The following FBN2 variants were observed in gnomAD, a reference collection of about 807,000 sequenced individuals.
FBN2 encodes fibrillin 2.
FBN2 carries 105 observed loss-of-function variants against 355.6 expected under a neutral mutation model. The observed-to-expected ratio is 0.30, with a 90% confidence interval of 0.25 to 0.35. The LOEUF (loss-of-function observed/expected upper bound fraction) is 0.35. Among genes scored for constraint, FBN2 ranks in the 10% least tolerant of loss-of-function variants. FBN2 has a pLI of 1.00. For missense variants in FBN2, 3,280 were observed against 3,758.7 expected, an observed-to-expected ratio of 0.87 and a Z score of 3.33; for synonymous variants, 1,350 against 1,301.2, an observed-to-expected ratio of 1.04 and a Z score of -0.81.
intron 34 of FBN2, among the ~76,000 whole-genome samples, chr5:128,320,178 T>G (rs1750330204): frequency 6.6e-6 from 1 of 152,118 alleles, no homozygotes; most frequent in Non-Finnish European, 1.5e-5. Flanking sequence ...TGTGTTAATT[T>G]ATACTCAAAA....
At chr5:128,527,738 T>C (rs937997582) in intron 4 of FBN2, 134 bp downstream of exon 4, 1 of 657,498 alleles carries the variant, frequency 1.5e-6, no homozygotes, top group African/African-American at 1.8e-5. Context: ...AAATTAGAAA[T>C]TCAGTTTTAA....
At chr5:128,377,908 T>C in intron 12 of FBN2, 31 bp from the exon 13 acceptor site, 5 of 1,588,192 alleles carry the variant, frequency 3.1e-6, no homozygotes, top group Non-Finnish European at 4.3e-6. Flanking sequence ...CAAACATCAT[T>C]CTTTTACAAT....
At chr5:128,449,489 ATAT>A (rs1237449069) in intron 6 of FBN2, among the ~76,000 whole-genome samples, 8 of 145,334 alleles carry the variant, frequency 5.5e-5, no homozygotes, top group African/African-American at 1.3e-4. Context: ...TGGCATAATA[ATAT>A]TATACTATTT....
At chr5:128,331,153 T>C (rs1310415101) in intron 32 of FBN2, among the ~76,000 whole-genome samples, 1 of 152,174 alleles carries the variant, frequency 6.6e-6, no homozygotes, top group East Asian at 1.9e-4. Context: ...AAAAGACAGA[T>C]GTTAAACACA....
intron 7 of FBN2, among the ~76,000 whole-genome samples, chr5:128,444,392 G>T (rs1754010988): frequency 6.6e-6 from 1 of 152,126 alleles, no homozygotes; most frequent in Non-Finnish European, 1.5e-5. Context: ...TTTATATAAA[G>T]AAACAATATT....
intron 5 of FBN2, among the ~76,000 whole-genome samples, chr5:128,493,918 G>A (rs1026427921): frequency 6.6e-6 from 1 of 152,148 alleles, no homozygotes; most frequent in Non-Finnish European, 1.5e-5. Flanking sequence ...AAATGCTAAT[G>A]ACCCTATCTG....
At chr5:128,535,250 T>C (rs1039156276) in intron 2 of FBN2, among the ~76,000 whole-genome samples, 3 of 152,244 alleles carry the variant, frequency 2.0e-5, no homozygotes, top group African/African-American at 7.2e-5. Context: ...GAAATTAGTC[T>C]TTATGACACT....
intron 6 of FBN2, among the ~76,000 whole-genome samples, chr5:128,455,858 G>T (rs951952017): frequency 6.6e-6 from 1 of 151,834 alleles, no homozygotes; most frequent in Non-Finnish European, 1.5e-5. Context: ...ACCCTGGAAC[G>T]TACAGATTAT....
rs1554122633 is a variant in FBN2, at chr5:128,333,874, C to CACA, written c.4100-841_4100-840insTGT. ...ACACACACACACACACACACACACA[C>CACA]ACTACTGGCTTCACATCAACCCTGT... On this transcript the variant is annotated intron_variant, in intron 31 of 64. Transcript: ENST00000262464. Among the ~76,000 whole-genome samples the CACA allele has an allele frequency of 8.7e-3, 569 of 65,642 alleles. 3 individuals carry two copies. The East Asian group carries it at 0.088, about 10-fold the overall frequency. The allele number at this position is 65,642 out of a possible 152,430, so 43.1% of individuals were successfully genotyped here. A position where few individuals can be genotyped will look rare whatever the true frequency, so the allele number is the denominator to read the frequency against.
intron 31 of FBN2, among the ~76,000 whole-genome samples, chr5:128,334,482 C>T (rs751453049): frequency 5.9e-5 from 9 of 152,130 alleles, no homozygotes; most frequent in Non-Finnish European, 1.0e-4. Context: ...TGTACTCCTA[C>T]TCACTCACTC....
intron 3 of FBN2, among the ~76,000 whole-genome samples, chr5:128,528,259 G>A (rs1437926126): frequency 6.6e-6 from 1 of 152,130 alleles, no homozygotes; most frequent in Non-Finnish European, 1.5e-5. Flanking sequence ...AGGCACTTTT[G>A]TCTCCATTCA....
Position 128,395,114 on chromosome 5 carries a change from C to T in FBN2, c.1231+8G>A. The T allele has an allele frequency of 6.2e-7, 1 of 1,614,004 alleles. No individual in the cohort carries two copies. The highest frequency in any genetic ancestry group is 1.7e-4 in the Middle Eastern group (1 of 6,060). On this transcript the variant is annotated splice_region_variant and intron_variant, in intron 9 of 64. Transcript: ENST00000262464. ...CTGTGCTGAGGAGACTAACAGCCAG[C>T]CACGTACCAGAACCTCTGACAGGAC...
At chr5:128,498,582 G>C (rs554966896) in intron 5 of FBN2, among the ~76,000 whole-genome samples, 1 of 152,264 alleles carries the variant, frequency 6.6e-6, no homozygotes, top group African/African-American at 2.4e-5. Flanking sequence ...TTTTACAAGA[G>C]AGAGCTCAAG....
intron 64 of FBN2, 46 bp downstream of exon 64, chr5:128,261,690 C>G (rs1764975580): frequency 6.3e-7 from 1 of 1,587,996 alleles, no homozygotes; most frequent in African/African-American, 1.3e-5. Flanking sequence ...ATACATGACT[C>G]CGTAGGGATA....
At position 128,530,672 on chromosome 5, in the gene FBN2, C is replaced by T; in HGVS notation, c.359G>A (p.Gly120Glu). 3.1e-6 allele frequency: 5 copies of T among 1,611,702 alleles called. No individual in the cohort carries two copies. Among genetic ancestry groups the T allele is most frequent in the Non-Finnish European group, 4.2e-6 (5 of 1,177,992 alleles). The change falls in exon 3 of 65, where the codon GGA (glycine) becomes GAA (glutamate). Residue 120 changes from glycine (G) to glutamate (E), a missense_variant. Around this residue, in one of 6 missense-constraint regions of FBN2, gnomAD observed 130 missense variants for 189.9 expected, o/e 0.68. Transcript: ENST00000262464. Reference protein sequence around the residue: ...CIVPICRNSCGDGFCSRPNMC... With the variant: ...CIVPICRNSCEDGFCSRPNMC... ...GTTAGGACGGGAACAAAATCCATCTCCACAACTATTTCTACAAATCGCTGT... is the reference window on the plus strand; with the variant it reads ...GTTAGGACGGGAACAAAATCCATCTTCACAACTATTTCTACAAATCGCTGT...
chr5:128,297,575 C>A (rs1256667822), intron 48 of FBN2, among the ~76,000 whole-genome samples: 1 of 152,094 alleles, frequency 6.6e-6, no homozygotes, highest in African/African-American at 2.4e-5. Context: ...TGAATTGATC[C>A]CTTACCATTA....
chr5:128,272,497 G>T (rs759900444), intron 61 of FBN2, among the ~76,000 whole-genome samples: 3 of 128,968 alleles, frequency 2.3e-5, no homozygotes, highest in Non-Finnish European at 4.8e-5. Context: ...AAATATATTT[G>T]CATTGCATAG....
intron 50 of FBN2, 61 bp downstream of exon 50, chr5:128,290,671 C>T: frequency 6.5e-7 from 1 of 1,527,450 alleles, no homozygotes; most frequent in Non-Finnish European, 9.1e-7. Flanking sequence ...GTTAAACCCA[C>T]TCTGGCAAAC....
chr5:128,452,771 T>C (rs1265685161), intron 6 of FBN2, among the ~76,000 whole-genome samples: 1 of 152,154 alleles, frequency 6.6e-6, no homozygotes, highest in Non-Finnish European at 1.5e-5. Context: ...TGCGGGTTTG[T>C]TATGTGAATA....
Sources: gnomAD v4.1 joint callset for allele counts (sites outside exome capture counted in the v4.1 genomes callset) on GRCh38, gnomAD v4.1.1 for gene constraint, gnomAD v4.1.1 regional missense constraint, MANE v1.5 for transcripts, NCBI Gene and HGNC (gene_info 2026-07-23, HGNC 2026-07-21) for gene names.